The following PCDHGA5 variants were observed in gnomAD, a reference collection of about 807,000 sequenced individuals.
The protein encoded by PCDHGA5 is protocadherin gamma-A5.
A neutral mutation model predicts 56.7 loss-of-function variants in PCDHGA5; 36 were observed. The ratio of observed to expected loss-of-function variants is 0.64; its 90% CI spans 0.49 to 0.84. PCDHGA5 has a LOEUF of 0.84. PCDHGA5 is among the 40% of genes least tolerant of loss of function. The probability of loss-of-function intolerance (pLI) is 0.00; values close to 1 mark genes in which losing one functional copy is unlikely to be tolerated. For synonymous variants in PCDHGA5, 563 were observed against 520.2 expected, an observed-to-expected ratio of 1.08 and a Z score of -1.12; for missense variants, 1,305 against 1,201.5, an observed-to-expected ratio of 1.09 and a Z score of -1.27.
intron 1 of PCDHGA5, chr5:141,410,258 G>T: frequency 6.2e-7 from 1 of 1,614,022 alleles, no homozygotes; most frequent in Non-Finnish European, 8.5e-7. Flanking sequence ...TGACCCCCAG[G>T]CTGAACTGCA....
At position 141,399,438 on chromosome 5, in the gene PCDHGA5, T is replaced by G; in HGVS notation, c.2421+32687T>G. 3 of 1,613,996 alleles carry G rather than the reference T, an allele frequency of 1.9e-6. No individual in the cohort carries two copies. The South Asian group carries it at 3.3e-5, about 18-fold the overall frequency. On this transcript the variant is annotated intron_variant, in intron 1 of 3. Transcript: ENST00000518069. The stretch of plus-strand genomic sequence containing the variant: ...CCTCCAGCATAAGCGTCATCCTACA[T>G]ATCAGAGACGTCAACGATAACGCTC...
chr5:141,396,935 C>T (rs545100008), intron 1 of PCDHGA5, among the ~76,000 whole-genome samples: 1 of 152,240 alleles, frequency 6.6e-6, no homozygotes, highest in South Asian at 2.1e-4. Flanking sequence ...ATGAAAGTTG[C>T]CCTGGTAGGA....
chr5:141,433,194 A>G (rs1170543558), intron 1 of PCDHGA5: 18 of 1,585,754 alleles, frequency 1.1e-5, no homozygotes, highest in Non-Finnish European at 1.5e-5. Context: ...GTGAGTTTAT[A>G]TCAAATCTTC....
chr5:141,405,120 A>G (rs1223444295), intron 1 of PCDHGA5: 2 of 1,613,938 alleles, frequency 1.2e-6, no homozygotes, highest in Non-Finnish European at 1.7e-6. Context: ...CACTCCTCGC[A>G]TCTGCTGCGG....
rs891428609 is a variant in PCDHGA5, at chr5:141,503,553, C to T, written c.2481-1840C>T. Among the ~76,000 whole-genome samples the T allele has an allele frequency of 9.4e-5, 14 of 149,164 alleles. No homozygotes were observed. In the East Asian group the frequency reaches 2.2e-3, roughly 23 times the overall value. On this transcript the variant is annotated intron_variant, in intron 2 of 3. Coordinates refer to ENST00000518069, the MANE Select transcript of PCDHGA5 (RefSeq NM_018918.3). ...GGCAGAGGTTGCAGTGAGCCGAGAT[C>T]GCGCCACTGTACTCCAGCCTGGGTG...
intron 1 of PCDHGA5, chr5:141,399,438 T>C (rs2093809569): frequency 1.2e-6 from 2 of 1,613,996 alleles, no homozygotes; most frequent in Admixed American, 1.7e-5. Flanking sequence ...TCATCCTACA[T>C]ATCAGAGACG....
chr5:141,481,427 T>C lies in PCDHGA5; in HGVS notation c.2422-13380T>C, dbSNP rs79272909. Reference sequence around the variant, plus strand: ...TTGTATAATTAGATTGTGATGATGATTGTATCAGTTTAGTACATGTAAATA... The same window carrying C: ...TTGTATAATTAGATTGTGATGATGACTGTATCAGTTTAGTACATGTAAATA... On this transcript the variant is annotated intron_variant, in intron 1 of 3. Transcript: ENST00000518069. Among the ~76,000 whole-genome samples the C allele has an allele frequency of 6.0e-3, 907 of 152,334 alleles. 5 individuals are homozygous for C. Among genetic ancestry groups the C allele is most frequent in the African/African-American group, 0.02 (840 of 41,578 alleles).
Position 141,364,648 on chromosome 5 carries a change from T to C in PCDHGA5, c.318T>C (p.Phe106=), listed in dbSNP as rs1199111606. The change falls in exon 1 of 4, where the codon TTT becomes TTC. Residue 106 remains phenylalanine, a synonymous_variant. Coordinates refer to ENST00000518069, the MANE Select transcript of PCDHGA5 (RefSeq NM_018918.3). ...CAQSPLCVVN[F]NILVENKMKI... is the part of the protein sequence containing the mutation. ...AGAGCCCACTGTGTGTGGTGAACTT[T>C]AACATCTTGGTTGAGAACAAAATGA... 1 of 1,614,082 alleles carries C rather than the reference T, an allele frequency of 6.2e-7. No individual in the cohort carries two copies. Among genetic ancestry groups the C allele is most frequent in the Non-Finnish European group, 8.5e-7 (1 of 1,179,928 alleles).
intron 1 of PCDHGA5, chr5:141,370,715 A>C (rs767773166): frequency 5.0e-6 from 8 of 1,613,816 alleles, no homozygotes; most frequent in East Asian, 2.2e-5. Flanking sequence ...TGGAATTTGA[A>C]ATGGTTGCTG....
chr5:141,388,060 A>G lies in PCDHGA5; in HGVS notation c.2421+21309A>G, dbSNP rs1429863107. 16 of 1,381,916 alleles carry G rather than the reference A, an allele frequency of 1.2e-5. No individual in the cohort carries two copies. The highest frequency in any genetic ancestry group is 2.5e-5 in the East Asian group (1 of 40,268). The allele number at this position is 1,381,916 out of a possible 1,614,324, so 85.6% of individuals were successfully genotyped here. Reference sequence around the variant, plus strand: ...GCCACGGACCTGGGGTTCAGCGTCCAGGAGTTACCGACTCGAAAACTGCGC... The same window carrying G: ...GCCACGGACCTGGGGTTCAGCGTCCGGGAGTTACCGACTCGAAAACTGCGC... On this transcript the variant is annotated intron_variant, in intron 1 of 3. Transcript: ENST00000518069.
intron 1 of PCDHGA5, chr5:141,442,416 T>A (rs2098323395): frequency 6.6e-6 from 1 of 152,206 alleles, no homozygotes; most frequent in Non-Finnish European, 1.5e-5. Flanking sequence ...CTGAGTGAAC[T>A]TCTTTTTTGA....
At chr5:141,394,300 T>G (rs753637808) in intron 1 of PCDHGA5, 2 of 1,613,820 alleles carry the variant, frequency 1.2e-6, no homozygotes, top group African/African-American at 2.7e-5. Context: ...GAGGACACGC[T>G]GCAGGGGGCG....
chr5:141,422,811 C>T (rs748248571), intron 1 of PCDHGA5: 1 of 1,614,248 alleles, frequency 6.2e-7, no homozygotes, highest in Non-Finnish European at 8.5e-7. Context: ...AGTTTCGAGA[C>T]TTAGAACTGA....
At chr5:141,398,071 G>C in intron 1 of PCDHGA5, 1 of 1,587,000 alleles carries the variant, frequency 6.3e-7, no homozygotes, top group South Asian at 1.1e-5. Context: ...ACAATACAGA[G>C]GTTATTTGTA....
intron 1 of PCDHGA5, chr5:141,383,053 C>G: frequency 6.2e-7 from 1 of 1,613,896 alleles, no homozygotes; most frequent in South Asian, 1.1e-5. Context: ...CGCCAAGGAC[C>G]TGGGGCTGGA....
At position 141,375,466 on chromosome 5, in the gene PCDHGA5, C is replaced by G. The variant is rs569300391; in HGVS notation, c.2421+8715C>G. On this transcript the variant is annotated intron_variant, in intron 1 of 3. Coordinates refer to ENST00000518069, the MANE Select transcript of PCDHGA5 (RefSeq NM_018918.3). ...CCCATTCATCCTACTCAGTCTATGT[C>G]CTTGAAAACAACCCCAGGGGTGCCT... The G allele has an allele frequency of 2.5e-6, 4 of 1,614,016 alleles. No individual in the cohort carries two copies. In the African/African-American group the frequency reaches 4.0e-5, roughly 16 times the overall value.
At position 141,431,274 on chromosome 5, in the gene PCDHGA5, TC is replaced by T. The variant is rs767658803; in HGVS notation, c.2422-63532del. On this transcript the variant is annotated intron_variant, in intron 1 of 3. Transcript: ENST00000518069. The surrounding 1 kb of genome is among the most constrained non-coding windows in gnomAD (Gnocchi z 4.8). ...AAGAACTCTCTGCAGAGCTACGAGC[TC>T]AGCCCGAACACTCACTTCTCCCTCA... 6 of 1,614,128 alleles carry T rather than the reference TC, an allele frequency of 3.7e-6. No homozygotes were observed. Among genetic ancestry groups the T allele is most frequent in the Non-Finnish European group, 5.1e-6 (6 of 1,180,024 alleles).
intron 1 of PCDHGA5, chr5:141,376,412 G>C: frequency 6.2e-7 from 1 of 1,614,166 alleles, no homozygotes; most frequent in East Asian, 2.2e-5. Flanking sequence ...CAACTATGCC[G>C]ACACGCTTAT....
At chr5:141,422,379 C>G (rs2096644662) in intron 1 of PCDHGA5, 1 of 1,576,826 alleles carries the variant, frequency 6.3e-7, no homozygotes, top group East Asian at 2.2e-5. Flanking sequence ...GTCAAGTCTC[C>G]TGTTTTATTC....
Sources: allele counts gnomAD v4.1 joint callset (sites outside exome capture counted in the v4.1 genomes callset), GRCh38; gene constraint gnomAD v4.1.1; non-coding constraint Gnocchi (gnomAD v3.1); transcripts MANE v1.5; gene names NCBI Gene and HGNC (gene_info 2026-07-23, HGNC 2026-07-21).